The following MMP12 variants were observed in gnomAD, a reference collection of about 807,000 sequenced individuals.
MMP12 encodes macrophage metalloelastase.
Under a neutral mutation model 45.2 loss-of-function variants are expected in MMP12, and 51 were observed. The observed-to-expected ratio is 1.13, with a 90% CI of 0.90 to 1.42. MMP12 has a LOEUF of 1.42. Among genes scored for constraint, MMP12 ranks in the 40% most tolerant of loss-of-function variants. The pLI, the probability that MMP12 is intolerant of heterozygous loss-of-function variation, is 0.00. For synonymous variants in MMP12, 210 were observed against 193.3 expected, an observed-to-expected ratio of 1.09 and a Z score of -0.72; for missense variants, 530 against 570.8, an observed-to-expected ratio of 0.93 and a Z score of 0.73.
In MMP12 at chr11:102,863,152, A is replaced by T; in HGVS notation, c.1361T>A (p.Leu454Gln). The change falls in exon 10 of 10, where the codon CTA becomes CAA. Residue 454 changes from leucine (L) to glutamine (Q), a missense_variant. Physicochemically the swap from Leu to Gln is moderately radical, Grantham distance 113 (BLOSUM62 -2). Coordinates refer to ENST00000571244, the MANE Select transcript of MMP12 (RefSeq NM_002426.6). ...CAGTGTTTTGGTGATACGTTGGAGT[A>T]GGAAGTCATATTCAAATTGGTTAGA... is the stretch of plus-strand genomic sequence containing the variant. ...QGSNQFEYDF[L>Q]LQRITKTLKS... 1 of 1,611,948 alleles carries T rather than the reference A, an allele frequency of 6.2e-7. No individual in the cohort carries two copies. The highest frequency in any genetic ancestry group is 8.5e-7 in the Non-Finnish European group (1 of 1,178,854).
chr11:102,873,029 T>C lies in MMP12; in HGVS notation c.186A>G (p.Glu62=), dbSNP rs1859530123. ...KMKYSGNLMK[E]KIQEMQHFLG... ...AGAAGTGCTGCATTTCTTGGATTTT[T>C]TCCTTCATTAAGTTTCCACTATATT... The change falls in exon 2 of 10, where the codon GAA becomes GAG. Residue 62 remains glutamate, a synonymous_variant. Transcript: ENST00000571244. 1 of 1,613,148 alleles carries C rather than the reference T, an allele frequency of 6.2e-7. No individual in the cohort carries two copies.
In MMP12 at chr11:102,865,932, T is replaced by C. The variant is rs782008361; in HGVS notation, c.1049A>G (p.Asp350Gly). 1 of 1,607,818 alleles carries C rather than the reference T, an allele frequency of 6.2e-7. No individual in the cohort carries two copies. The highest frequency in any genetic ancestry group is 1.1e-5 in the South Asian group (1 of 90,244). ...ARNQVFLFKD[D>G]KYWLISNLRP... is the part of the protein sequence containing the mutation. ...TAAATTGCTAATTAACCAGTATTTGTCATCTGTGAAGACAAAGAAATAGGG... is the reference window on the plus strand; with the variant it reads ...TAAATTGCTAATTAACCAGTATTTGCCATCTGTGAAGACAAAGAAATAGGG... The change falls in exon 8 of 10, where the codon GAC becomes GGC. Residue 350 changes from aspartate to glycine, a missense_variant. By Grantham distance (94) the Asp-to-Gly change is moderately conservative. Transcript: ENST00000571244. This position sits in a 1 kb window ranked among gnomAD's most constrained non-coding sequence, Gnocchi z 4.1.
At chr11:102,867,160 C>G (rs760303275) in intron 6 of MMP12, 110 bp downstream of exon 6, 6 of 1,015,278 alleles carry the variant, frequency 5.9e-6, no homozygotes, top group Non-Finnish European at 6.9e-6. Flanking sequence ...GTCCAAGTTC[C>G]TGCTTACAAG....
chr11:102,867,368 C>G lies in MMP12; in HGVS notation c.813G>C (p.Leu271Phe). The change falls in exon 6 of 10, where the codon TTG becomes TTC. Residue 271 changes from leucine (L) to phenylalanine (F), a missense_variant. Coordinates refer to ENST00000571244, the MANE Select transcript of MMP12 (RefSeq NM_002426.6). ...LYGDPKENQR[L>F]PNPDNSEPAL... is the part of the protein sequence containing the mutation. ...CTGGTTCTGAATTGTCAGGATTTGG[C>G]AAGCGTTGGTTCTCTTTTGGGTCTC... 6.2e-7 allele frequency: 1 copy of G among 1,610,994 alleles called. No individual in the cohort carries two copies. The highest frequency in any genetic ancestry group is 8.5e-7 in the Non-Finnish European group (1 of 1,178,670).
At chr11:102,871,179 A>G (rs1555009255) in intron 4 of MMP12, among the ~76,000 whole-genome samples, 2 of 152,082 alleles carry the variant, frequency 1.3e-5, no homozygotes, top group African/African-American at 4.8e-5. Flanking sequence ...GTAGTAAGTT[A>G]GCATCATGAT....
intron 2 of MMP12, 115 bp from the exon 3 acceptor site, chr11:102,872,067 G>T: frequency 1.7e-6 from 2 of 1,194,254 alleles, no homozygotes; most frequent in Non-Finnish European, 2.2e-6. Flanking sequence ...TAAATCAAGA[G>T]TCCAGATTTT....
intron 9 of MMP12, among the ~76,000 whole-genome samples, chr11:102,863,743 A>G (rs1555008132): frequency 6.6e-6 from 1 of 152,240 alleles, no homozygotes; most frequent in African/African-American, 2.4e-5. Context: ...ATGAGGGCCT[A>G]TCAGGGCAGA....
In MMP12 at chr11:102,866,375, G is replaced by T. The variant is rs201722424; in HGVS notation, c.985C>A (p.Pro329Thr). The stretch of plus-strand genomic sequence containing the variant: ...TCATAAGCAGCTTCAATGCCAGATG[G>T]CAAGGTTGGCCATAAGGAAGAAATT... ...NLISSLWPTLPSGIEAAYEIE... is the reference protein window; with the variant it reads ...NLISSLWPTLTSGIEAAYEIE... Residue 329 changes from proline (P) to threonine (T), a missense_variant, in exon 7 of 10, where the codon CCA (proline) becomes ACA (threonine). Physicochemically the swap from Pro to Thr is conservative, Grantham distance 38 (BLOSUM62 -1). Transcript: ENST00000571244. The T allele has an allele frequency of 1.2e-5, 20 of 1,604,968 alleles. No homozygotes were observed. Among genetic ancestry groups the T allele is most frequent in the Non-Finnish European group, 1.6e-5 (19 of 1,175,608 alleles).
In MMP12 at chr11:102,865,648, T is replaced by C. The variant is rs1428687171; in HGVS notation, c.1205+128A>G. On this transcript the variant is annotated intron_variant, in intron 8 of 9. Coordinates refer to ENST00000571244, the MANE Select transcript of MMP12 (RefSeq NM_002426.6). The surrounding 1 kb of genome is among the most constrained non-coding windows in gnomAD (Gnocchi z 4.1). ...CAATAACTATTTCAGTCCTATATTC[T>C]CTTAATCTCTCTCCCTGGAAGGTCA... is the stretch of plus-strand genomic sequence containing the variant. The C allele has an allele frequency of 1.5e-6, 1 of 681,450 alleles. No individual in the cohort carries two copies. The highest frequency in any genetic ancestry group is 1.8e-5 in the African/African-American group (1 of 55,284). 42.2% of individuals were successfully genotyped at this position (681,450 alleles called of 1,614,324 possible).
intron 4 of MMP12, among the ~76,000 whole-genome samples, chr11:102,868,387 G>A (rs1030434261): frequency 2.0e-5 from 3 of 152,082 alleles, no homozygotes; most frequent in Admixed American, 2.0e-4. Context: ...TAGGGTTAGG[G>A]ACCTCTGTAC....
At chr11:102,872,792 T>C (rs1859523998) in intron 2 of MMP12, 73 bp downstream of exon 2, 2 of 1,531,632 alleles carry the variant, frequency 1.3e-6, no homozygotes, top group Non-Finnish European at 1.8e-6. Flanking sequence ...TTTAGGGCTG[T>C]CTAACTGGTT....
rs201918145 is a variant in MMP12 at position 102,862,996 on chromosome 11, A to G, written c.*104T>C. On this transcript the variant is annotated 3_prime_UTR_variant, in exon 10 of 10. Coordinates refer to ENST00000571244, the MANE Select transcript of MMP12 (RefSeq NM_002426.6). ...CCTATGGTTTACAGATTTTATTTTT[A>G]TGATACATATCTCTAAGTAGTGGTA... 8.2e-5 allele frequency: 50 copies of G among 611,496 alleles called. 1 individual carries two copies. Among genetic ancestry groups the G allele is most frequent in the Non-Finnish European group, 1.0e-4 (37 of 362,968 alleles). The allele number at this position is 611,496 out of a possible 1,614,324, so 37.9% of individuals were successfully genotyped here.
In MMP12 at chr11:102,864,259, A is replaced by G. The variant is rs1555008207; in HGVS notation, c.1206-7T>C. ...CTGTCTCCTTTCATCATACCTGAGC[A>G]AAGAAGTAACCAGCAGGAACTCAAT... On this transcript the variant is annotated splice_polypyrimidine_tract_variant and splice_region_variant and intron_variant, in intron 8 of 9. Coordinates refer to ENST00000571244, the MANE Select transcript of MMP12 (RefSeq NM_002426.6). 1.9e-6 allele frequency: 3 copies of G among 1,596,972 alleles called. No homozygotes were observed. Among genetic ancestry groups the G allele is most frequent in the Non-Finnish European group, 2.6e-6 (3 of 1,164,834 alleles).
chr11:102,873,163 T>C, intron 1 of MMP12, 51 bp from the exon 2 acceptor site: 1 of 1,539,606 alleles, frequency 6.5e-7, no homozygotes, highest in Non-Finnish European at 8.8e-7. Context: ...AGAAAATTTC[T>C]GTTGGGAGCT....
At chr11:102,864,316 AC>A in intron 8 of MMP12, 64 bp from the exon 9 acceptor site, 1 of 1,059,942 alleles carries the variant, frequency 9.4e-7, no homozygotes, top group Non-Finnish European at 1.5e-6. Context: ...TGCACCACAA[AC>A]CCACCTTCTC....
At chr11:102,864,064 G>GGAGCC in intron 9 of MMP12, 82 bp downstream of exon 9, 1 of 1,069,420 alleles carries the variant, frequency 9.4e-7, no homozygotes, top group South Asian at 1.4e-5. Context: ...TTTCCAATTT[G>GGAGCC]GAGCCCTATT....
At chr11:102,871,351 G>C (rs28381668) in intron 4 of MMP12, among the ~76,000 whole-genome samples, 402 of 152,194 alleles carry the variant, frequency 2.6e-3, no homozygotes, top group Non-Finnish European at 4.4e-3. Flanking sequence ...TAGATTGTTA[G>C]AGCTGATCTT....
rs1859540979 is a variant in MMP12 at position 102,873,592 on chromosome 11, C to A, written c.103-480G>T. Among the ~76,000 whole-genome samples the A allele has an allele frequency of 3.3e-5, 5 of 151,806 alleles. No homozygotes were observed. In the South Asian group the frequency reaches 1.0e-3, roughly 32 times the overall value. ...TCCAGCCTGGATGACAGACACAGAC[C>A]CTGTCTCAAAAAAAAGAAAAACAAA... is the stretch of plus-strand genomic sequence containing the variant. On this transcript the variant is annotated intron_variant, in intron 1 of 9. Transcript: ENST00000571244.
chr11:102,871,512 A>C, intron 4 of MMP12, 82 bp downstream of exon 4: 1 of 1,498,760 alleles, frequency 6.7e-7, no homozygotes, highest in South Asian at 1.3e-5. Flanking sequence ...CGAAACCAGA[A>C]TTTTGAATTT....
Sources: gnomAD v4.1 joint callset for allele counts (sites outside exome capture counted in the v4.1 genomes callset) on GRCh38, gnomAD v4.1.1 for gene constraint, Gnocchi (gnomAD v3.1) non-coding constraint, MANE v1.5 for transcripts, NCBI Gene and HGNC (gene_info 2026-07-23, HGNC 2026-07-21) for gene names.